SIMC1: variants seen among roughly 807,000 people sequenced by gnomAD.
SIMC1 encodes SUMO-interacting motif-containing protein 1.
A neutral mutation model predicts 82.3 loss-of-function variants in SIMC1; 55 were observed. The ratio of observed to expected loss-of-function variants is 0.67; its 90% CI spans 0.54 to 0.84. The LOEUF (loss-of-function observed/expected upper bound fraction) is 0.84. Ranked by LOEUF, SIMC1 falls within the 40% of genes least tolerant of loss-of-function variation. The pLI is 0.00. For synonymous variants in SIMC1, 353 were observed against 426.3 expected, an observed-to-expected ratio of 0.83 and a Z score of 2.12; for missense variants, 915 against 1,107.2, an observed-to-expected ratio of 0.83 and a Z score of 2.46.
intron 1 of SIMC1, among the ~76,000 whole-genome samples, chr5:176,257,312 T>A (rs1322844426): frequency 5.9e-5 from 9 of 152,180 alleles, no homozygotes; most frequent in East Asian, 5.8e-4. Flanking sequence ...TATATAAAAA[T>A]TTTTTTTAAT....
intron 9 of SIMC1, among the ~76,000 whole-genome samples, chr5:176,338,288 C>A (rs565822398): frequency 6.6e-6 from 1 of 152,240 alleles, no homozygotes; most frequent in South Asian, 2.1e-4. Flanking sequence ...CACATAAATA[C>A]TACATACAAG....
chr5:176,304,896 C>T (rs768242635), intron 4 of SIMC1, among the ~76,000 whole-genome samples: 8 of 140,392 alleles, frequency 5.7e-5, no homozygotes, highest in African/African-American at 1.1e-4. Flanking sequence ...TGGGAGGTGA[C>T]GAGCGTCTCT....
intron 5 of SIMC1, among the ~76,000 whole-genome samples, chr5:176,317,051 G>A (rs910295349): frequency 1.3e-5 from 2 of 152,112 alleles, no homozygotes; most frequent in Non-Finnish European, 2.9e-5. Flanking sequence ...TCTAGGCCAG[G>A]TCCTCTGTTT....
intron 1 of SIMC1, among the ~76,000 whole-genome samples, chr5:176,288,434 T>TAAATAAATAAAC (rs1215651907): frequency 6.6e-6 from 1 of 151,200 alleles, no homozygotes; most frequent in Non-Finnish European, 1.5e-5. Flanking sequence ...AATAAATAAA[T>TAAATAAATAAAC]AAATAAATAA....
chr5:176,319,367 C>T (rs781465626), intron 5 of SIMC1, among the ~76,000 whole-genome samples: 2 of 151,902 alleles, frequency 1.3e-5, no homozygotes, highest in Non-Finnish European at 2.9e-5. Context: ...CTGTGTCTTC[C>T]TTATTAAAAT....
intron 4 of SIMC1, among the ~76,000 whole-genome samples, chr5:176,302,747 A>G (rs1254321182): frequency 6.6e-6 from 1 of 152,216 alleles, no homozygotes; most frequent in Non-Finnish European, 1.5e-5. Context: ...ACTCAGTTGC[A>G]TTTTTGTTAA....
chr5:176,284,239 A>G (rs539232247), intron 1 of SIMC1, among the ~76,000 whole-genome samples: 4 of 152,198 alleles, frequency 2.6e-5, no homozygotes, highest in Non-Finnish European at 5.9e-5. Context: ...TCAGCACCAC[A>G]CCATACTTAT....
At chr5:176,262,654 A>T (rs1282608085) in intron 1 of SIMC1, among the ~76,000 whole-genome samples, 1 of 152,130 alleles carries the variant, frequency 6.6e-6, no homozygotes, top group East Asian at 1.9e-4. Context: ...AAAATATACA[A>T]ATCAGCCAGG....
intron 7 of SIMC1, among the ~76,000 whole-genome samples, chr5:176,330,400 CAAAA>C (rs554910341): frequency 7.4e-5 from 7 of 94,178 alleles, no homozygotes; most frequent in Admixed American, 1.1e-4. Context: ...GTCTCCATCT[CAAAA>C]AAAAAAAAAA....
At chr5:176,296,818 C>T in intron 4 of SIMC1, 1 of 152,998 alleles carries the variant, frequency 6.5e-6, no homozygotes, top group South Asian at 2.1e-4. Flanking sequence ...TATCCCTCTC[C>T]TTGAGATCCC....
chr5:176,311,466 T>G (rs1764661484), intron 4 of SIMC1, among the ~76,000 whole-genome samples: 1 of 151,902 alleles, frequency 6.6e-6, no homozygotes, highest in Non-Finnish European at 1.5e-5. Context: ...CTGGTCTTGT[T>G]TCCTGGCCTC....
intron 1 of SIMC1, chr5:176,270,319 TA>T (rs781708694): frequency 7.2e-5 from 11 of 152,160 alleles, no homozygotes; most frequent in Admixed American, 2.6e-4. Flanking sequence ...AGAACTTCCT[TA>T]AAGGCATCTG....
chr5:176,326,227 T>TG (rs1055713116), intron 7 of SIMC1, among the ~76,000 whole-genome samples: 9 of 152,174 alleles, frequency 5.9e-5, no homozygotes, highest in African/African-American at 1.9e-4. Flanking sequence ...CCAAGACAAC[T>TG]ATTGTGCAGC....
At chr5:176,306,688 C>A (rs1419350347) in intron 4 of SIMC1, among the ~76,000 whole-genome samples, 1 of 151,508 alleles carries the variant, frequency 6.6e-6, no homozygotes, top group Non-Finnish European at 1.5e-5. Context: ...GCAAGATGTG[C>A]TTTGTTAAAC....
At chr5:176,249,030 G>A (rs534090851) in intron 1 of SIMC1, among the ~76,000 whole-genome samples, 10 of 152,246 alleles carry the variant, frequency 6.6e-5, no homozygotes, top group Admixed American at 3.3e-4. Context: ...TTTTTGCATC[G>A]ATGTTCATCA....
chr5:176,310,320 C>G (rs1764611810), intron 4 of SIMC1, among the ~76,000 whole-genome samples: 1 of 152,184 alleles, frequency 6.6e-6, no homozygotes, highest in African/African-American at 2.4e-5. Context: ...GACATTCATT[C>G]CAGAGAAATG....
chr5:176,337,735 G>A (rs151053762), intron 9 of SIMC1, among the ~76,000 whole-genome samples: 64 of 152,292 alleles, frequency 4.2e-4, no homozygotes, highest in African/African-American at 1.3e-3. Flanking sequence ...GTAAACATCC[G>A]TCAATACAAT....
rs1017914092 is a variant in SIMC1 at position 176,337,042 on chromosome 5, C to T, written c.2329-20C>T. The T allele has an allele frequency of 1.9e-6, 3 of 1,612,134 alleles. No homozygotes were observed. The highest frequency in any genetic ancestry group is 2.5e-6 in the Non-Finnish European group (3 of 1,178,844). Reference sequence around the variant, plus strand: ...ACTGGGGAAGGCATTTATTATCAATCCATTTTACTATCTCTGCAGTCAGAT... The same window carrying T: ...ACTGGGGAAGGCATTTATTATCAATTCATTTTACTATCTCTGCAGTCAGAT... On this transcript the variant is annotated intron_variant, in intron 8 of 9. Coordinates refer to ENST00000429602, the MANE Select transcript of SIMC1 (RefSeq NM_001308195.2).
At chr5:176,278,577 G>C (rs1485199061) in intron 1 of SIMC1, among the ~76,000 whole-genome samples, 1 of 48,988 alleles carries the variant, frequency 2.0e-5, no homozygotes, top group African/African-American at 7.2e-5. Context: ...TATGATATTG[G>C]CTGTGGGTTT....
Sources: allele counts gnomAD v4.1 joint callset (sites outside exome capture counted in the v4.1 genomes callset), GRCh38; gene constraint gnomAD v4.1.1; transcripts MANE v1.5; gene names NCBI Gene and HGNC (gene_info 2026-07-23, HGNC 2026-07-21).